Variants in UBE2D1 observed in about 807,000 individuals in gnomAD.
UBE2D1 encodes ubiquitin-conjugating enzyme E2 D1.
A neutral mutation model predicts 24.6 loss-of-function variants in UBE2D1; 9 were observed. The ratio of observed to expected loss-of-function variants is 0.37; its 90% CI spans 0.22 to 0.64. The LOEUF is 0.64. Among genes scored for constraint, UBE2D1 ranks in the 30% least tolerant of loss-of-function variants. UBE2D1 has a pLI of 0.64. For missense variants in UBE2D1, 87 were observed against 177.1 expected (o/e 0.49, Z 2.89); for synonymous variants, 57 against 57.6 (o/e 0.99, Z 0.04).
chr10:58,360,480 G>A (rs1156856301), intron 1 of UBE2D1, among the ~76,000 whole-genome samples: 1 of 152,036 alleles, frequency 6.6e-6, no homozygotes, highest in East Asian at 1.9e-4. Context: ...GAAAGAACTG[G>A]AATTACAACC....
chr10:58,351,897 C>A (rs1840081102), intron 1 of UBE2D1, among the ~76,000 whole-genome samples: 1 of 152,168 alleles, frequency 6.6e-6, no homozygotes, highest in South Asian at 2.1e-4. Flanking sequence ...AGGAATTTTT[C>A]ATCTCCATTA....
At chr10:58,365,163 G>A (rs983797357) in intron 5 of UBE2D1, among the ~76,000 whole-genome samples, 3 of 152,088 alleles carry the variant, frequency 2.0e-5, no homozygotes, top group African/African-American at 7.2e-5. Context: ...TTTAGCTTGG[G>A]TGTTGTCTTT....
In UBE2D1 at chr10:58,369,069, T is replaced by G. The variant is rs1000832215; in HGVS notation, c.*304T>G. The G allele has an allele frequency of 5.0e-6, 1 of 198,270 alleles. No individual in the cohort carries two copies. The highest frequency in any genetic ancestry group is 1.0e-5 in the Non-Finnish European group (1 of 98,112). 12.3% of individuals were successfully genotyped at this position (198,270 alleles called of 1,614,324 possible). ...ATGCAGCTGAAAAGCAACCAAATTA[T>G]TTTTTGCTGAAACTAGATGTTTTTA... On this transcript the variant is annotated 3_prime_UTR_variant, in exon 7 of 7. Transcript: ENST00000373910.
chr10:58,338,725 A>G (rs1839930512), intron 1 of UBE2D1, among the ~76,000 whole-genome samples: 1 of 152,194 alleles, frequency 6.6e-6, no homozygotes, highest in African/African-American at 2.4e-5. Context: ...TTTATTTGAT[A>G]AAGAATTTGA....
intron 1 of UBE2D1, among the ~76,000 whole-genome samples, chr10:58,353,686 ATTC>A (rs1481175821): frequency 6.6e-6 from 1 of 152,186 alleles, no homozygotes; most frequent in Non-Finnish European, 1.5e-5. Context: ...AGTAATTAAT[ATTC>A]TTTTGATATT....
chr10:58,337,708 C>T (rs1463341549), intron 1 of UBE2D1, among the ~76,000 whole-genome samples: 1 of 152,074 alleles, frequency 6.6e-6, no homozygotes, highest in Non-Finnish European at 1.5e-5. Flanking sequence ...AGACTGTCAT[C>T]ACTTCTATAA....
chr10:58,337,151 ATTAC>A (rs1338292033), intron 1 of UBE2D1, among the ~76,000 whole-genome samples: 1 of 149,724 alleles, frequency 6.7e-6, no homozygotes, highest in Non-Finnish European at 1.5e-5. Flanking sequence ...AAAAAAAAAA[ATTAC>A]TTACATAGAA....
At chr10:58,357,616 T>C (rs757454038) in intron 1 of UBE2D1, among the ~76,000 whole-genome samples, 5 of 152,128 alleles carry the variant, frequency 3.3e-5, no homozygotes, top group Non-Finnish European at 7.4e-5. Context: ...TGGACCAGAG[T>C]GGGAATGTGT....
chr10:58,337,855 T>C (rs2132311838), intron 1 of UBE2D1, among the ~76,000 whole-genome samples: 1 of 150,090 alleles, frequency 6.7e-6, no homozygotes, highest in South Asian at 2.1e-4. Flanking sequence ...GATAATCTCT[T>C]TTTTTTTTTG....
chr10:58,369,426 A>T lies in UBE2D1; in HGVS notation c.*661A>T, dbSNP rs1840291136. 1.3e-5 allele frequency: 2 copies of T among 151,998 alleles called. No individual in the cohort carries two copies. 9.4% of individuals were successfully genotyped at this position (151,998 alleles called of 1,614,324 possible). On this transcript the variant is annotated 3_prime_UTR_variant, in exon 7 of 7. Transcript: ENST00000373910. ...ACTTGTTTTGATTTTGTTATACTTG[A>T]CTTAACTTTATTGCAATGTGAATTA...
In UBE2D1 at chr10:58,369,365, ACACTG is replaced by A. The variant is rs1840290471; in HGVS notation, c.*601_*605del. 6.6e-6 allele frequency: 1 copy of A among 152,548 alleles called. No individual in the cohort carries two copies. The highest frequency in any genetic ancestry group is 1.5e-5 in the Non-Finnish European group (1 of 67,858). The allele number at this position is 152,548 out of a possible 1,614,324, so 9.4% of individuals were successfully genotyped here. On this transcript the variant is annotated 3_prime_UTR_variant, in exon 7 of 7. Coordinates refer to ENST00000373910, the MANE Select transcript of UBE2D1 (RefSeq NM_003338.5). ...ATTTCTTAAATCTGAAATGATCTTT[ACACTG>A]TAATTCTCAGCATACTGATTATGGA...
chr10:58,364,694 A>T (rs1046268950), intron 4 of UBE2D1, 77 bp from the exon 5 acceptor site: 1 of 1,037,150 alleles, frequency 9.6e-7, no homozygotes, highest in East Asian at 2.5e-5. Context: ...ATTTTACCCT[A>T]GAGCAAATTG....
At chr10:58,353,396 C>G (rs1005931419) in intron 1 of UBE2D1, among the ~76,000 whole-genome samples, 5 of 152,128 alleles carry the variant, frequency 3.3e-5, no homozygotes, top group Non-Finnish European at 7.4e-5. Context: ...AGCTCTGTCA[C>G]TAAGGATTGC....
chr10:58,346,928 G>A (rs138354824), intron 1 of UBE2D1, among the ~76,000 whole-genome samples: 250 of 152,286 alleles, frequency 1.6e-3, no homozygotes, highest in African/African-American at 5.8e-3. Context: ...ATTACAGGGT[G>A]TTTGTACCAC....
chr10:58,364,213 A>G (rs757786137), intron 4 of UBE2D1, among the ~76,000 whole-genome samples: 6 of 152,130 alleles, frequency 3.9e-5, no homozygotes, highest in Non-Finnish European at 7.4e-5. Context: ...GGGAGGGGAA[A>G]AGTGGGCAGA....
Position 58,335,106 on chromosome 10 carries a change from G to A in UBE2D1, c.-96G>A, listed in dbSNP as rs1239692529. 2.9e-6 allele frequency: 4 copies of A among 1,381,786 alleles called. No homozygotes were observed. The highest frequency in any genetic ancestry group is 3.9e-6 in the Non-Finnish European group (4 of 1,013,240). The allele number at this position is 1,381,786 out of a possible 1,614,324, so 85.6% of individuals were successfully genotyped here. Reference sequence around the variant, plus strand: ...ACCGGGGACCCACCGCGCGGAGCCAGCCTAGCTGCCAGCGAGCCCAACCCG... The same window carrying A: ...ACCGGGGACCCACCGCGCGGAGCCAACCTAGCTGCCAGCGAGCCCAACCCG... On this transcript the variant is annotated 5_prime_UTR_variant, in exon 1 of 7. Coordinates refer to ENST00000373910, the MANE Select transcript of UBE2D1 (RefSeq NM_003338.5).
In UBE2D1 at chr10:58,351,321, AAC is replaced by A. The variant is rs1305840036; in HGVS notation, c.25-10013_25-10012del. Among the ~76,000 whole-genome samples, 7 of 152,300 alleles carry A rather than the reference AAC, an allele frequency of 4.6e-5. No individual in the cohort carries two copies. In the East Asian group the frequency reaches 9.6e-4, roughly 21 times the overall value. ...TCTTTTGTAATAGCACTTTGCTTAA[AAC>A]ACAAAACACATTATATGGCTATATA... On this transcript the variant is annotated intron_variant, in intron 1 of 6. Coordinates refer to ENST00000373910, the MANE Select transcript of UBE2D1 (RefSeq NM_003338.5).
chr10:58,366,410 TCCTTA>T, intron 5 of UBE2D1, among the ~76,000 whole-genome samples: 1 of 152,128 alleles, frequency 6.6e-6, no homozygotes, highest in East Asian at 1.9e-4. Context: ...GTTACCCTTT[TCCTTA>T]CCTTAAAGGA....
chr10:58,354,956 C>G (rs1840115152), intron 1 of UBE2D1, among the ~76,000 whole-genome samples: 1 of 152,062 alleles, frequency 6.6e-6, no homozygotes, highest in Admixed American at 6.5e-5. Context: ...ACTATATTTT[C>G]CAAACAAAAA....
Sources: gnomAD v4.1 joint callset for allele counts (sites outside exome capture counted in the v4.1 genomes callset) on GRCh38, gnomAD v4.1.1 for gene constraint, MANE v1.5 for transcripts, NCBI Gene and HGNC (gene_info 2026-07-23, HGNC 2026-07-21) for gene names.